The following PTPRT variants were observed in gnomAD, a reference collection of about 807,000 sequenced individuals.
PTPRT encodes receptor-type tyrosine-protein phosphatase T.
In PTPRT, 56 loss-of-function variants were observed where a neutral mutation model predicts 176.8. That is an observed-to-expected ratio of 0.32 (90% CI 0.26 to 0.40). The LOEUF (loss-of-function observed/expected upper bound fraction) is 0.40. PTPRT is among the 10% of genes least tolerant of loss of function. The pLI, the probability that PTPRT is intolerant of heterozygous loss-of-function variation, is 1.00. For synonymous variants in PTPRT, 783 were observed against 739.0 expected, an observed-to-expected ratio of 1.06 and a Z score of -0.96; for missense variants, 1,540 against 1,908.2, an observed-to-expected ratio of 0.81 and a Z score of 3.60.
intron 6 of PTPRT, among the ~76,000 whole-genome samples, chr20:42,709,072 G>A (rs1339300065): frequency 6.6e-6 from 1 of 152,200 alleles, no homozygotes; most frequent in Non-Finnish European, 1.5e-5. Flanking sequence ...TAAACTCAGA[G>A]GCATGCCAAG....
intron 18 of PTPRT, among the ~76,000 whole-genome samples, chr20:42,132,067 A>G (rs1988149764): frequency 6.6e-6 from 1 of 152,324 alleles, no homozygotes; most frequent in East Asian, 1.9e-4. Flanking sequence ...GACTCAAGGA[A>G]TCATGCTGGG....
chr20:42,336,368 C>T lies in PTPRT; in HGVS notation c.1865+14260G>A, dbSNP rs139746402. ...AATAGCACATTATGTAGTGACATTG[C>T]CAATTCCCAGAAGAAAGAGCAAAGA... is the stretch of plus-strand genomic sequence containing the variant. On this transcript the variant is annotated intron_variant, in intron 11 of 30. Transcript: ENST00000373187. 3.9e-5 allele frequency among the ~76,000 whole-genome samples: 6 copies of T among 152,164 alleles called. No homozygotes were observed. In the East Asian group the frequency reaches 7.7e-4, roughly 20 times the overall value.
At chr20:42,327,806 G>T (rs2057907493) in intron 11 of PTPRT, among the ~76,000 whole-genome samples, 1 of 152,034 alleles carries the variant, frequency 6.6e-6, no homozygotes, top group East Asian at 1.9e-4. Context: ...TTGTCTATAT[G>T]TAAATCTGAA....
chr20:42,534,731 G>A (rs781472514), intron 7 of PTPRT, among the ~76,000 whole-genome samples: 3 of 152,120 alleles, frequency 2.0e-5, no homozygotes, highest in African/African-American at 4.8e-5. Flanking sequence ...TGACTCTGGT[G>A]CCAAAAGCCA....
At chr20:43,180,807 C>G (rs1418060515) in intron 1 of PTPRT, among the ~76,000 whole-genome samples, 1 of 152,084 alleles carries the variant, frequency 6.6e-6, no homozygotes, top group Non-Finnish European at 1.5e-5. Context: ...TATATATGCC[C>G]TATTATATAT....
chr20:43,115,869 T>G (rs2013040727), intron 1 of PTPRT, among the ~76,000 whole-genome samples: 1 of 152,196 alleles, frequency 6.6e-6, no homozygotes, highest in Admixed American at 6.5e-5. Context: ...GAGGAAGTCC[T>G]CTGAAAATCC....
At chr20:42,389,205 A>G (rs1884293178) in intron 9 of PTPRT, among the ~76,000 whole-genome samples, 1 of 152,066 alleles carries the variant, frequency 6.6e-6, no homozygotes, top group African/African-American at 2.4e-5. Context: ...CAGCACACCA[A>G]CATGGCACGT....
intron 9 of PTPRT, among the ~76,000 whole-genome samples, chr20:42,399,504 A>G (rs1208323216): frequency 6.6e-6 from 1 of 152,178 alleles, no homozygotes; most frequent in Non-Finnish European, 1.5e-5. Context: ...TGGGATGGGG[A>G]GCTTTAAAAA....
chr20:42,937,480 C>T (rs1368169835), intron 1 of PTPRT, among the ~76,000 whole-genome samples: 4 of 152,200 alleles, frequency 2.6e-5, no homozygotes, highest in African/African-American at 9.7e-5. Context: ...AACCTCATGA[C>T]CCCATAAAGC....
rs73269502 is a variant in PTPRT, at chr20:42,076,612, G to A, written c.*4267C>T. 0.089 allele frequency: 17,431 copies of A among 195,060 alleles called. 1,787 individuals carry two copies. Among genetic ancestry groups the A allele is most frequent in the African/African-American group, 0.27 (11,724 of 43,176 alleles). The allele number at this position is 195,060 out of a possible 1,614,324, so 12.1% of individuals were successfully genotyped here. ...GGTCTTGATCTTGAGCCTATAACTG[G>A]CTCTGGGAGGCAGCAGGGTCACTGC... is the stretch of plus-strand genomic sequence containing the variant. On this transcript the variant is annotated 3_prime_UTR_variant, in exon 31 of 31. Coordinates refer to ENST00000373187, the MANE Select transcript of PTPRT (RefSeq NM_007050.6).
chr20:42,448,123 C>T (rs954379737), intron 9 of PTPRT, 97 bp downstream of exon 9: 6 of 962,112 alleles, frequency 6.2e-6, no homozygotes, highest in East Asian at 4.8e-5. Flanking sequence ...ATCTTACTCA[C>T]CTTTATACGT....
intron 6 of PTPRT, among the ~76,000 whole-genome samples, chr20:42,740,980 A>T (rs2076600755): frequency 6.6e-6 from 1 of 152,220 alleles, no homozygotes; most frequent in South Asian, 2.1e-4. Flanking sequence ...CTTGAGAGAG[A>T]GAGTGTGCAT....
intron 9 of PTPRT, among the ~76,000 whole-genome samples, chr20:42,355,820 T>C (rs1219821913): frequency 1.3e-5 from 2 of 152,178 alleles, no homozygotes; most frequent in East Asian, 1.9e-4. Context: ...GTAAAACTCA[T>C]GCCTTATTTA....
At chr20:42,399,301 A>G (rs1281897725) in intron 9 of PTPRT, among the ~76,000 whole-genome samples, 6 of 152,226 alleles carry the variant, frequency 3.9e-5, no homozygotes. Flanking sequence ...ATTGTAACAG[A>G]TTATCTATCA....
At chr20:42,099,817 TG>T (rs552600202) in intron 26 of PTPRT, among the ~76,000 whole-genome samples, 1 of 151,542 alleles carries the variant, frequency 6.6e-6, no homozygotes, top group Non-Finnish European at 1.5e-5. Flanking sequence ...GTGCATTGGC[TG>T]GGGGGGCCCT....
chr20:42,374,253 A>G (rs1398579048), intron 9 of PTPRT, among the ~76,000 whole-genome samples: 2 of 152,202 alleles, frequency 1.3e-5, no homozygotes, highest in East Asian at 3.8e-4. Context: ...CTGCCCTCTG[A>G]GGTTCAAGGA....
intron 1 of PTPRT, among the ~76,000 whole-genome samples, chr20:43,051,795 C>G (rs574286706): frequency 1.3e-5 from 2 of 151,844 alleles, no homozygotes; most frequent in Admixed American, 1.3e-4. Context: ...ACAACTAAAC[C>G]GTTAAAGGAA....
chr20:42,529,111 G>A (rs577390356), intron 7 of PTPRT, among the ~76,000 whole-genome samples: 21 of 152,220 alleles, frequency 1.4e-4, no homozygotes, highest in African/African-American at 3.9e-4. Context: ...TTAAATTAAC[G>A]TGCTCAAGTT....
intron 1 of PTPRT, among the ~76,000 whole-genome samples, chr20:43,148,704 G>A (rs1208272230): frequency 2.0e-5 from 3 of 152,204 alleles, no homozygotes; most frequent in African/African-American, 7.2e-5. Context: ...TATGTGGGTT[G>A]ATTTTTCAGG....
Sources: allele counts gnomAD v4.1 joint callset (sites outside exome capture counted in the v4.1 genomes callset), GRCh38; gene constraint gnomAD v4.1.1; transcripts MANE v1.5; gene names NCBI Gene and HGNC (gene_info 2026-07-23, HGNC 2026-07-21).